PRELID2: variants seen among roughly 807,000 people sequenced by gnomAD.
The protein encoded by PRELID2 is PRELI domain-containing protein 2.
Under a neutral mutation model 28.4 loss-of-function variants are expected in PRELID2, and 25 were observed. The observed-to-expected ratio is 0.88, with a 90% CI of 0.64 to 1.23. The LOEUF (loss-of-function observed/expected upper bound fraction) is 1.23. PRELID2 is among the 50% of genes most tolerant of loss of function. The probability of loss-of-function intolerance (pLI) is 0.00; values close to 1 mark genes in which losing one functional copy is unlikely to be tolerated. For synonymous variants in PRELID2, 76 were observed against 71.6 expected (o/e 1.06, Z -0.31); for missense variants, 201 against 214.4 (o/e 0.94, Z 0.39).
intron 1 of PRELID2, among the ~76,000 whole-genome samples, chr5:145,697,342 A>G (rs1242950712): frequency 6.6e-6 from 1 of 151,826 alleles, no homozygotes. Context: ...TTCACAGGTG[A>G]GCAAACTCAA....
chr5:145,638,256 C>T (rs1425780953), intron 1 of PRELID2, among the ~76,000 whole-genome samples: 1 of 152,134 alleles, frequency 6.6e-6, no homozygotes. Context: ...TTAAGCTGTT[C>T]CATGCTGTGT....
chr5:145,834,959 T>C (rs1755839557), intron 1 of PRELID2: 3 of 441,998 alleles, frequency 6.8e-6, no homozygotes, highest in African/African-American at 2.0e-5. Context: ...TTCTTTCAGC[T>C]GGGGCAGGTG....
intron 1 of PRELID2, among the ~76,000 whole-genome samples, chr5:145,726,766 C>T (rs1277322952): frequency 6.6e-6 from 1 of 152,242 alleles, no homozygotes; most frequent in African/African-American, 2.4e-5. Context: ...TTCACACTGA[C>T]AGCTTTCCAC....
At chr5:145,640,067 T>C (rs903077663) in intron 1 of PRELID2, among the ~76,000 whole-genome samples, 1 of 152,140 alleles carries the variant, frequency 6.6e-6, no homozygotes, top group African/African-American at 2.4e-5. Context: ...ATATTCAGTA[T>C]ACAAATGTTT....
chr5:145,229,312 G>A, the PRELID2 span: 4 of 745,952 alleles, frequency 5.4e-6, no homozygotes, highest in Non-Finnish European at 7.5e-6. Flanking sequence ...AATATGCAAA[G>A]CAACACGGGA....
At chr5:145,288,982 C>CTT in the PRELID2 span, among the ~76,000 whole-genome samples, 1 of 152,088 alleles carries the variant, frequency 6.6e-6, no homozygotes, top group Non-Finnish European at 1.5e-5. Context: ...TTTTGTGGTA[C>CTT]TTTTGCCTTT....
chr5:145,673,244 G>C (rs141693973), intron 1 of PRELID2, among the ~76,000 whole-genome samples: 1 of 152,268 alleles, frequency 6.6e-6, no homozygotes, highest in Non-Finnish European at 1.5e-5. Flanking sequence ...CACCTCAGGA[G>C]ATGGCTTTTA....
intron 1 of PRELID2, among the ~76,000 whole-genome samples, chr5:145,677,294 A>G (rs1266041663): frequency 6.6e-6 from 1 of 151,190 alleles, no homozygotes; most frequent in Non-Finnish European, 1.5e-5. Flanking sequence ...CGCTGGGACT[A>G]CTGCCGTGTG....
At chr5:145,483,327 G>A (rs1260862908) in intron 1 of PRELID2, among the ~76,000 whole-genome samples, 1 of 152,162 alleles carries the variant, frequency 6.6e-6, no homozygotes, top group African/African-American at 2.4e-5. Flanking sequence ...TCTACTAGCT[G>A]TTTTGGATCC....
chr5:145,794,425 C>T (rs540856743), intron 5 of PRELID2, among the ~76,000 whole-genome samples: 14 of 152,236 alleles, frequency 9.2e-5, no homozygotes, highest in African/African-American at 2.9e-4. Flanking sequence ...TAGTGAAGTT[C>T]GTGATGCTAG....
At chr5:145,641,660 A>G (rs924933274) in intron 1 of PRELID2, among the ~76,000 whole-genome samples, 4 of 151,336 alleles carry the variant, frequency 2.6e-5, no homozygotes, top group Non-Finnish European at 5.9e-5. Context: ...ATCCCTCCCC[A>G]AGCCCCCCAG....
At chr5:145,668,484 C>T (rs535584405) in intron 1 of PRELID2, among the ~76,000 whole-genome samples, 2 of 151,804 alleles carry the variant, frequency 1.3e-5, no homozygotes, top group South Asian at 2.1e-4. Context: ...TGCTTCCAAA[C>T]AGTCGGCTAG....
intron 1 of PRELID2, among the ~76,000 whole-genome samples, chr5:145,716,812 G>A (rs886172661): frequency 6.6e-6 from 1 of 152,072 alleles, no homozygotes; most frequent in Non-Finnish European, 1.5e-5. Context: ...CTCAACACTG[G>A]TATTGTCTTG....
At chr5:145,234,796 C>T in the PRELID2 span, among the ~76,000 whole-genome samples, 2 of 151,990 alleles carry the variant, frequency 1.3e-5, no homozygotes, top group African/African-American at 2.4e-5. Context: ...CACATAGAAG[C>T]GCATAGCTGG....
chr5:145,301,930 C>CTTTTTTTTTTTTTT, the PRELID2 span, among the ~76,000 whole-genome samples: 5 of 110,180 alleles, frequency 4.5e-5, no homozygotes, highest in Admixed American at 1.0e-4. Context: ...TTATTCATTT[C>CTTTTTTTTTTTTTT]TTTTTTTTTT....
chr5:145,833,960 G>A (rs974730805), intron 1 of PRELID2, among the ~76,000 whole-genome samples: 2 of 152,190 alleles, frequency 1.3e-5, no homozygotes, highest in African/African-American at 4.8e-5. Context: ...AACTAACCAC[G>A]CATAGAACCA....
chr5:145,728,626 C>A, intron 1 of PRELID2: 1 of 1,145,180 alleles, frequency 8.7e-7, no homozygotes, highest in Non-Finnish European at 1.3e-6. Flanking sequence ...ACATTATAGA[C>A]TCCATAACGA....
At chr5:145,246,070 T>C in the PRELID2 span, among the ~76,000 whole-genome samples, 6 of 151,924 alleles carry the variant, frequency 3.9e-5, no homozygotes, top group Non-Finnish European at 5.9e-5. Context: ...GAAACGAGAT[T>C]TTACTTAGAA....
intron 1 of PRELID2, among the ~76,000 whole-genome samples, chr5:145,682,180 G>T (rs1754949519): frequency 2.0e-5 from 3 of 152,140 alleles, no homozygotes; most frequent in African/African-American, 7.2e-5. Flanking sequence ...TGGGGAGAGG[G>T]AGGAGGAAAC....
Sources: allele counts gnomAD v4.1 joint callset (sites outside exome capture counted in the v4.1 genomes callset), GRCh38; gene constraint gnomAD v4.1.1; transcripts MANE v1.5; gene names NCBI Gene and HGNC (gene_info 2026-07-23, HGNC 2026-07-21).